The following CPEB1 variants were observed in gnomAD, a reference collection of about 807,000 sequenced individuals.
The protein encoded by CPEB1 is cytoplasmic polyadenylation element-binding protein 1.
A neutral mutation model predicts 65.8 loss-of-function variants in CPEB1; 7 were observed. The observed-to-expected ratio is 0.11, with a 90% CI of 0.06 to 0.20. The LOEUF is 0.20. Among genes scored for constraint, CPEB1 ranks in the 10% least tolerant of loss-of-function variants. CPEB1 has a pLI of 1.00. For missense variants in CPEB1, 551 were observed against 712.2 expected, an observed-to-expected ratio of 0.77 and a Z score of 2.58; for synonymous variants, 262 against 260.0, an observed-to-expected ratio of 1.01 and a Z score of -0.08.
At chr15:82,645,297 C>T (rs1346379151) in intron 1 of CPEB1, among the ~76,000 whole-genome samples, 2 of 152,084 alleles carry the variant, frequency 1.3e-5, no homozygotes, top group Non-Finnish European at 2.9e-5. Context: ...CGATTATAGG[C>T]GCCCACCACC....
At chr15:82,574,424 G>T (rs573929479) in intron 3 of CPEB1, among the ~76,000 whole-genome samples, 2 of 152,186 alleles carry the variant, frequency 1.3e-5, no homozygotes, top group East Asian at 3.9e-4. Flanking sequence ...GAGGATTAAA[G>T]AAAATATTTG....
At chr15:82,611,510 G>T (rs1005219366) in intron 3 of CPEB1, among the ~76,000 whole-genome samples, 1 of 151,776 alleles carries the variant, frequency 6.6e-6, no homozygotes, top group African/African-American at 2.4e-5. Flanking sequence ...TAATCTCAAC[G>T]CTTTGGGAGG....
chr15:82,617,162 G>C (rs1277999700), intron 3 of CPEB1, among the ~76,000 whole-genome samples: 2 of 152,094 alleles, frequency 1.3e-5, no homozygotes, highest in Non-Finnish European at 2.9e-5. Context: ...AGAATTATGT[G>C]GTATATACTC....
At chr15:82,548,804 C>G (rs2035745728) in intron 10 of CPEB1, 1 of 421,752 alleles carries the variant, frequency 2.4e-6, no homozygotes, top group Non-Finnish European at 4.8e-6. Context: ...TGACCAGATT[C>G]AGTGTGGGTG....
intron 3 of CPEB1, among the ~76,000 whole-genome samples, chr15:82,573,462 C>G (rs2040311644): frequency 6.6e-6 from 1 of 152,036 alleles, no homozygotes; most frequent in South Asian, 2.1e-4. Context: ...TAGACTTCAC[C>G]CATACATATT....
At chr15:82,646,317 T>A (rs2047515725) in intron 1 of CPEB1, among the ~76,000 whole-genome samples, 1 of 152,090 alleles carries the variant, frequency 6.6e-6, no homozygotes, top group Non-Finnish European at 1.5e-5. Flanking sequence ...TTGCCCCTCT[T>A]CCCCACCAAC....
chr15:82,591,254 A>G (rs1373819843), intron 3 of CPEB1, among the ~76,000 whole-genome samples: 2 of 151,466 alleles, frequency 1.3e-5, no homozygotes, highest in African/African-American at 2.4e-5. Flanking sequence ...TTTGATTTTC[A>G]TTTGTTTTTT....
chr15:82,641,613 A>AAACGGGTTGGTT (rs2047123682), intron 1 of CPEB1: 1 of 152,224 alleles, frequency 6.6e-6, no homozygotes, highest in African/African-American at 2.4e-5. Context: ...CGTTTTTAGC[A>AAACGGGTTGGTT]TACAAACCAA....
chr15:82,564,187 AAGAC>A lies in CPEB1; in HGVS notation c.461-6205_461-6202del, dbSNP rs202014399. Reference sequence around the variant, plus strand: ...AACAATGACTGCTGAATTCTACTGAAAGACAGAGAGTACGTATTCCATAGAGCCA... The same window carrying A: ...AACAATGACTGCTGAATTCTACTGAAAGAGAGTACGTATTCCATAGAGCCA... On this transcript the variant is annotated intron_variant, in intron 4 of 12. Transcript: ENST00000684509. Among the ~76,000 whole-genome samples the A allele has an allele frequency of 6.3e-4, 96 of 152,358 alleles. 4 individuals carry two copies. The East Asian group carries it at 0.014, about 22-fold the overall frequency.
chr15:82,601,175 T>A (rs555355992), intron 3 of CPEB1, among the ~76,000 whole-genome samples: 3 of 150,542 alleles, frequency 2.0e-5, no homozygotes, highest in African/African-American at 7.3e-5. Context: ...CCCAAAGTGC[T>A]GGGTTTACAG....
chr15:82,588,201 GCCT>G (rs2041954455), intron 3 of CPEB1, among the ~76,000 whole-genome samples: 1 of 151,962 alleles, frequency 6.6e-6, no homozygotes, highest in African/African-American at 2.4e-5. Context: ...ACCTGCCTTG[GCCT>G]CCCAAAGTGT....
chr15:82,641,676 C>G (rs779103392), intron 1 of CPEB1: 7 of 151,184 alleles, frequency 4.6e-5, no homozygotes, highest in African/African-American at 1.5e-4. Flanking sequence ...GAACTCATCA[C>G]GAATGCCTTA....
chr15:82,550,166 T>C lies in CPEB1; in HGVS notation c.1282-508A>G, dbSNP rs574386496. ...CTTCAGAGGGTTTGTGCCAGAGCAGTGGAAATGACTGGCGAGAGGTTGGGT... is the reference window on the plus strand; with the variant it reads ...CTTCAGAGGGTTTGTGCCAGAGCAGCGGAAATGACTGGCGAGAGGTTGGGT... On this transcript the variant is annotated intron_variant, in intron 9 of 12. Coordinates refer to ENST00000684509, the MANE Select transcript of CPEB1 (RefSeq NM_001365242.1). Among the ~76,000 whole-genome samples the C allele has an allele frequency of 3.3e-5, 5 of 152,174 alleles. No individual in the cohort carries two copies. The South Asian group carries it at 1.0e-3, about 32-fold the overall frequency.
At chr15:82,638,965 T>C (rs544135154) in intron 1 of CPEB1, among the ~76,000 whole-genome samples, 2 of 152,200 alleles carry the variant, frequency 1.3e-5, no homozygotes, top group Non-Finnish European at 2.9e-5. Flanking sequence ...CCCCCATTGC[T>C]TTTGCACTAT....
chr15:82,638,029 A>G (rs1472378076), intron 1 of CPEB1: 2 of 447,412 alleles, frequency 4.5e-6, no homozygotes, highest in East Asian at 7.0e-5. Context: ...CTGGTTTAAT[A>G]TAAGATAGCG....
intron 4 of CPEB1, among the ~76,000 whole-genome samples, chr15:82,567,700 A>C (rs1310961680): frequency 6.6e-6 from 1 of 152,154 alleles, no homozygotes; most frequent in Non-Finnish European, 1.5e-5. Context: ...AGACTTCTAA[A>C]GGGGAGTGGC....
chr15:82,646,773 T>C (rs1479893835), intron 1 of CPEB1, among the ~76,000 whole-genome samples: 1 of 151,940 alleles, frequency 6.6e-6, no homozygotes, highest in Non-Finnish European at 1.5e-5. Flanking sequence ...ACCCATGACA[T>C]GAAAAAGCCT....
At chr15:82,591,726 GT>G (rs1362104124) in intron 3 of CPEB1, among the ~76,000 whole-genome samples, 2 of 151,738 alleles carry the variant, frequency 1.3e-5, no homozygotes, top group Non-Finnish European at 2.9e-5. Flanking sequence ...TCTATTTTCT[GT>G]CTCTACAGAT....
chr15:82,601,239 T>TA (rs77547021), intron 3 of CPEB1, among the ~76,000 whole-genome samples: 63,276 of 144,292 alleles, frequency 0.44, 15,937 homozygotes, highest in African/African-American at 0.71. Flanking sequence ...GTGGTTTTCT[T>TA]AAAAAAAAAA....
Sources: allele counts gnomAD v4.1 joint callset (sites outside exome capture counted in the v4.1 genomes callset), GRCh38; gene constraint gnomAD v4.1.1; transcripts MANE v1.5; gene names NCBI Gene and HGNC (gene_info 2026-07-23, HGNC 2026-07-21).